The following ATP7B variants were observed in gnomAD, a reference collection of about 807,000 sequenced individuals.
The protein encoded by ATP7B is ATPase copper transporting beta.
A neutral mutation model predicts 118.9 loss-of-function variants in ATP7B; 113 were observed. The observed-to-expected ratio is 0.95, with a 90% confidence interval of 0.82 to 1.11. ATP7B has a LOEUF of 1.11. ATP7B is among the 50% of genes most tolerant of loss of function. The pLI is 0.00. For missense variants in ATP7B, 1,867 were observed against 1,871.4 expected, an observed-to-expected ratio of 1.00 and a Z score of 0.04; for synonymous variants, 777 against 727.4, an observed-to-expected ratio of 1.07 and a Z score of -1.10.
chr13:51,945,621 C>T (rs902156467), intron 13 of ATP7B, among the ~76,000 whole-genome samples: 1 of 152,198 alleles, frequency 6.6e-6, no homozygotes, highest in African/African-American at 2.4e-5. Flanking sequence ...TCAAGCACCA[C>T]CAGTCAATAC....
At position 51,939,487 on chromosome 13, in the gene ATP7B, G is replaced by A. The variant is rs377408546; in HGVS notation, c.3557-294C>T. On this transcript the variant is annotated intron_variant, in intron 16 of 20. Coordinates refer to ENST00000242839, the MANE Select transcript of ATP7B (RefSeq NM_000053.4). ...TTTCCAAACTTTCTGCAAGGAGCAC[G>A]TATGACACTTTGCGAAGTGCCTGGC... Among the ~76,000 whole-genome samples the A allele has an allele frequency of 3.9e-5, 6 of 152,318 alleles. No homozygotes were observed. In the South Asian group the frequency reaches 1.0e-3, roughly 26 times the overall value.
Position 51,970,677 on chromosome 13 carries a change from G to A in ATP7B, c.1358C>T (p.Pro453Leu). The A allele has an allele frequency of 1.2e-6, 2 of 1,614,064 alleles. No homozygotes were observed. Among genetic ancestry groups the A allele is most frequent in the Non-Finnish European group, 1.7e-6 (2 of 1,179,940 alleles). The part of the protein sequence containing the change: ...NSMVQTTDGT[P>L]TSVQEVAPHT... ...GGGAGCCACTTCCTGCACAGATGTA[G>A]GTGTACCATCTGTAGTTTGCACCAT... is the stretch of plus-strand genomic sequence containing the variant. Residue 453 changes from proline (P) to leucine (L), a missense_variant, in exon 3 of 21, where the codon CCT becomes CTT. Physicochemically the swap from Pro to Leu is moderately conservative, Grantham distance 98. Coordinates refer to ENST00000242839, the MANE Select transcript of ATP7B (RefSeq NM_000053.4).
chr13:51,974,009 T>G lies in ATP7B; in HGVS notation c.1211A>C (p.Asn404Thr). Residue 404 changes from asparagine (N) to threonine (T), a missense_variant, in exon 2 of 21, where the codon AAT becomes ACT. Coordinates refer to ENST00000242839, the MANE Select transcript of ATP7B (RefSeq NM_000053.4). ...LAEGTATVLY[N>T]PSVISPEELR... Reference sequence around the variant, plus strand: ...TTCTTCTGGGCTAATTACAGAGGGATTATAAAGAACTGTTGCAGTCCCTTC... The same window carrying G: ...TTCTTCTGGGCTAATTACAGAGGGAGTATAAAGAACTGTTGCAGTCCCTTC... 2 of 1,614,244 alleles carry G rather than the reference T, an allele frequency of 1.2e-6. No individual in the cohort carries two copies. The highest frequency in any genetic ancestry group is 1.7e-6 in the Non-Finnish European group (2 of 1,180,044).
Position 51,937,333 on chromosome 13 carries a change from G to A in ATP7B, c.3964C>T (p.Arg1322Cys), listed in dbSNP as rs534984209. Residue 1322 changes from arginine to cysteine, a missense_variant, in exon 19 of 21, where the codon CGC (arginine) becomes TGC (cysteine). Coordinates refer to ENST00000242839, the MANE Select transcript of ATP7B (RefSeq NM_000053.4). ...ATCAGTGCCAGGACCAGGTTGATGC[G>A]TATCCTTCGGACAGTCCTCTTGGAA... is the stretch of plus-strand genomic sequence containing the variant. ...HLSKRTVRRI[R>C]INLVLALIYN... is the part of the protein sequence containing the mutation. 14 of 1,614,170 alleles carry A rather than the reference G, an allele frequency of 8.7e-6. No individual in the cohort carries two copies. In the Admixed American group the frequency reaches 1.0e-4, roughly 12 times the overall value.
intron 1 of ATP7B, among the ~76,000 whole-genome samples, chr13:51,989,836 T>A (rs1282098644): frequency 6.6e-6 from 1 of 152,204 alleles, no homozygotes; most frequent in Admixed American, 6.5e-5. Context: ...CAGAATCTTC[T>A]CTAATAACAC....
rs764337264 is a variant in ATP7B, at chr13:51,937,243, GC to G, written c.4021+32del. ...CTGGGAGACAGAAGCCTTTCTGGGC[GC>G]AGCTGGAGCACAGTGGGTAAGAGCT... On this transcript the variant is annotated intron_variant, in intron 19 of 20. Transcript: ENST00000242839. 11 of 1,594,136 alleles carry G rather than the reference GC, an allele frequency of 6.9e-6. No homozygotes were observed. The South Asian group carries it at 1.2e-4, about 18-fold the overall frequency.
At chr13:51,952,929 A>G (rs1958100160) in intron 9 of ATP7B, among the ~76,000 whole-genome samples, 1 of 152,234 alleles carries the variant, frequency 6.6e-6, no homozygotes, top group Admixed American at 6.5e-5. Flanking sequence ...TACAAACAGG[A>G]CAGAGTAGAG....
At chr13:51,938,070 G>A (rs150509635) in intron 17 of ATP7B, among the ~76,000 whole-genome samples, 263 of 152,262 alleles carry the variant, frequency 1.7e-3, no homozygotes, top group African/African-American at 5.8e-3. Context: ...CTCAACTCTT[G>A]GGTCTGCTTC....
chr13:51,972,492 T>A lies in ATP7B; in HGVS notation c.1285+1443A>T, dbSNP rs114682079. ...GTCCTCCAGCATCTCAGCTAAAGGCTCATCCCAGTTACCCCTTTCCTCCAT... is the reference window on the plus strand; with the variant it reads ...GTCCTCCAGCATCTCAGCTAAAGGCACATCCCAGTTACCCCTTTCCTCCAT... On this transcript the variant is annotated intron_variant, in intron 2 of 20. Coordinates refer to ENST00000242839, the MANE Select transcript of ATP7B (RefSeq NM_000053.4). Among the ~76,000 whole-genome samples the A allele has an allele frequency of 9.0e-3, 1,364 of 152,200 alleles. 19 individuals are homozygous for A. The highest frequency in any genetic ancestry group is 0.027 in the African/African-American group (1,101 of 41,532).
At chr13:51,936,454 AG>A (rs1406375552) in intron 19 of ATP7B, among the ~76,000 whole-genome samples, 1 of 5,030 alleles carries the variant, frequency 2.0e-4, no homozygotes, top group Non-Finnish European at 3.5e-4. Flanking sequence ...GGCAGGGAGC[AG>A]GGGGCGGGGG....
At chr13:51,968,706 T>A in intron 3 of ATP7B, 99 bp from the exon 4 acceptor site, 1 of 1,432,708 alleles carries the variant, frequency 7.0e-7, no homozygotes, top group Admixed American at 1.7e-5. Context: ...CTTCCCAGAA[T>A]CCTCTAGAAC....
chr13:51,958,294 C>T lies in ATP7B; in HGVS notation c.2355+17G>A. The T allele has an allele frequency of 6.2e-7, 1 of 1,612,764 alleles. No individual in the cohort carries two copies. The highest frequency in any genetic ancestry group is 2.2e-5 in the East Asian group (1 of 44,874). ...ACTGAAGGAGCAGCTCTTTTCTGAA[C>T]CTGAAGCTGCTGTTACCTTTGCCAA... is the stretch of plus-strand genomic sequence containing the variant. On this transcript the variant is annotated intron_variant, in intron 8 of 20. Coordinates refer to ENST00000242839, the MANE Select transcript of ATP7B (RefSeq NM_000053.4).
intron 5 of ATP7B, among the ~76,000 whole-genome samples, chr13:51,962,159 T>C (rs922499743): frequency 6.6e-6 from 1 of 152,180 alleles, no homozygotes; most frequent in Admixed American, 6.5e-5. Flanking sequence ...GACTTATAAT[T>C]TAAACTCAGC....
At chr13:52,009,087 G>A (rs1953907567) in intron 1 of ATP7B, among the ~76,000 whole-genome samples, 1 of 152,040 alleles carries the variant, frequency 6.6e-6, no homozygotes, top group African/African-American at 2.4e-5. Context: ...ATGCTGCCAG[G>A]CTGGTCTTGA....
intron 1 of ATP7B, among the ~76,000 whole-genome samples, chr13:52,001,299 CA>C (rs1406536373): frequency 3.9e-5 from 6 of 152,178 alleles, no homozygotes; most frequent in Non-Finnish European, 8.8e-5. Context: ...GAGGAAGTCA[CA>C]AGATGTCATT....
intron 8 of ATP7B, 54 bp from the exon 9 acceptor site, chr13:51,957,661 A>G: frequency 6.5e-7 from 1 of 1,546,182 alleles, no homozygotes; most frequent in Non-Finnish European, 8.9e-7. Flanking sequence ...ACCTGTCCAA[A>G]CCCAGCCTGA....
chr13:52,000,438 TAATACCACC>T (rs1953438831), intron 1 of ATP7B, among the ~76,000 whole-genome samples: 2 of 152,180 alleles, frequency 1.3e-5, no homozygotes, highest in African/African-American at 4.8e-5. Flanking sequence ...CCTCACCTCC[TAATACCACC>T]ACCTTGGGGG....
At chr13:51,995,479 A>C (rs182681840) in intron 1 of ATP7B, 1 of 381,594 alleles carries the variant, frequency 2.6e-6, no homozygotes, top group African/African-American at 2.2e-5. Flanking sequence ...GCAGGGTCAC[A>C]TGTTGGTCAC....
chr13:51,999,554 G>C (rs1953387384), intron 1 of ATP7B, among the ~76,000 whole-genome samples: 1 of 152,108 alleles, frequency 6.6e-6, no homozygotes, highest in Admixed American at 6.5e-5. Flanking sequence ...AGAAACAATG[G>C]GATTATCGAA....
Sources: allele counts gnomAD v4.1 joint callset (sites outside exome capture counted in the v4.1 genomes callset), GRCh38; gene constraint gnomAD v4.1.1; transcripts MANE v1.5; gene names NCBI Gene and HGNC (gene_info 2026-07-23, HGNC 2026-07-21).